The following CLMP variants were observed in gnomAD, a reference collection of about 807,000 sequenced individuals.
CLMP encodes the protein CXADR like cell adhesion molecule.
In CLMP, 27 loss-of-function variants were observed where a neutral mutation model predicts 45.2. That is an observed-to-expected ratio of 0.60 (90% CI 0.44 to 0.82). The LOEUF (loss-of-function observed/expected upper bound fraction) is 0.82, where lower values mean the gene tolerates loss of function less well. Ranked by LOEUF, CLMP falls within the 40% of genes least tolerant of loss-of-function variation. The pLI is 0.00. For missense variants in CLMP, 403 were observed against 448.4 expected (o/e 0.90, Z 0.91); for synonymous variants, 167 against 171.4 (o/e 0.97, Z 0.20).
At chr11:123,191,633 A>G (rs1861909215) in intron 1 of CLMP, 1 of 152,236 alleles carries the variant, frequency 6.6e-6, no homozygotes, top group East Asian at 1.9e-4. Context: ...TCCTATTTGC[A>G]TTAATAGACA....
At chr11:123,180,388 G>A (rs1212569609) in intron 1 of CLMP, among the ~76,000 whole-genome samples, 4 of 152,056 alleles carry the variant, frequency 2.6e-5, no homozygotes, top group South Asian at 2.1e-4. Flanking sequence ...CCTTAGAAAC[G>A]AAGCCCCAGA....
At chr11:123,178,839 C>T (rs1012638727) in intron 1 of CLMP, among the ~76,000 whole-genome samples, 4 of 152,190 alleles carry the variant, frequency 2.6e-5, no homozygotes, top group African/African-American at 9.6e-5. Context: ...CTCTGAGCCT[C>T]AGTTTACGTA....
chr11:123,083,063 T>A, intron 5 of CLMP, 22 bp downstream of exon 5: 1 of 1,611,488 alleles, frequency 6.2e-7, no homozygotes, highest in Non-Finnish European at 8.5e-7. Context: ...AAAATGAAAC[T>A]AAAACCTCTT....
intron 1 of CLMP, among the ~76,000 whole-genome samples, chr11:123,131,966 T>C (rs1860997445): frequency 6.6e-6 from 1 of 152,218 alleles, no homozygotes; most frequent in African/African-American, 2.4e-5. Flanking sequence ...AAATGAGCCA[T>C]CTTTTCACAT....
intron 1 of CLMP, chr11:123,189,009 T>A (rs1363705006): frequency 6.6e-6 from 1 of 152,228 alleles, no homozygotes; most frequent in Non-Finnish European, 1.5e-5. Context: ...AGCTCATGCA[T>A]CTGACCCCAA....
chr11:123,146,934 G>A (rs976239213), intron 1 of CLMP, among the ~76,000 whole-genome samples: 1 of 152,148 alleles, frequency 6.6e-6, no homozygotes, highest in African/African-American at 2.4e-5. Flanking sequence ...AGCGAGGCAT[G>A]TTTGATCCCT....
chr11:123,158,768 A>G (rs1197241474), intron 1 of CLMP, among the ~76,000 whole-genome samples: 1 of 152,212 alleles, frequency 6.6e-6, no homozygotes, highest in African/African-American at 2.4e-5. Flanking sequence ...TGGCTGTTGA[A>G]CTTGGGCAAG....
chr11:123,114,691 C>T (rs1016129172), intron 1 of CLMP, among the ~76,000 whole-genome samples: 2 of 151,962 alleles, frequency 1.3e-5, no homozygotes, highest in African/African-American at 4.8e-5. Flanking sequence ...TTTTTAAAAC[C>T]CCCAAATGTA....
At chr11:123,166,738 C>T (rs537159243) in intron 1 of CLMP, among the ~76,000 whole-genome samples, 2 of 152,246 alleles carry the variant, frequency 1.3e-5, no homozygotes, top group South Asian at 4.1e-4. Context: ...CTATGGTTGA[C>T]AACAGTGTAT....
intron 1 of CLMP, among the ~76,000 whole-genome samples, chr11:123,108,785 G>A (rs909947582): frequency 6.6e-6 from 1 of 152,180 alleles, no homozygotes; most frequent in Non-Finnish European, 1.5e-5. Flanking sequence ...TGGGCGCGGT[G>A]GCTCATGCCT....
intron 1 of CLMP, among the ~76,000 whole-genome samples, chr11:123,169,490 G>T (rs1219370098): frequency 6.6e-6 from 1 of 152,184 alleles, no homozygotes; most frequent in Non-Finnish European, 1.5e-5. Flanking sequence ...TCTGACTGAG[G>T]TCATCTTGTC....
chr11:123,190,177 G>A (rs1232815313), intron 1 of CLMP, among the ~76,000 whole-genome samples: 3 of 152,112 alleles, frequency 2.0e-5, no homozygotes, highest in Admixed American at 2.0e-4. Context: ...TGGGTGGGGG[G>A]ATCGGGCCAT....
In CLMP at chr11:123,073,406, C is replaced by T; in HGVS notation, c.*68G>A. The T allele has an allele frequency of 2.6e-6, 4 of 1,510,626 alleles. No individual in the cohort carries two copies. The highest frequency in any genetic ancestry group is 3.6e-6 in the Non-Finnish European group (4 of 1,122,700). 93.6% of individuals were successfully genotyped at this position (1,510,626 alleles called of 1,614,324 possible). The stretch of plus-strand genomic sequence containing the variant: ...CTGGTTGTGTGGCTGGTGACTTGAG[C>T]TCCAATGACGAGAAGAGTCCAAAGA... On this transcript the variant is annotated 3_prime_UTR_variant, in exon 7 of 7. Coordinates refer to ENST00000448775, the MANE Select transcript of CLMP (RefSeq NM_024769.5).
intron 1 of CLMP, among the ~76,000 whole-genome samples, chr11:123,161,737 G>A (rs916070798): frequency 4.6e-5 from 7 of 152,166 alleles, no homozygotes; most frequent in Admixed American, 6.5e-5. Flanking sequence ...ATGGCTGGGC[G>A]TCACCCCTCA....
intron 1 of CLMP, among the ~76,000 whole-genome samples, chr11:123,150,451 G>GAAAT (rs1168744631): frequency 2.3e-5 from 2 of 86,960 alleles, no homozygotes; most frequent in Non-Finnish European, 4.7e-5. Flanking sequence ...AAGAAAGAAA[G>GAAAT]AAAGAAAGAA....
chr11:123,166,367 C>A (rs540990958), intron 1 of CLMP, among the ~76,000 whole-genome samples: 1 of 152,330 alleles, frequency 6.6e-6, no homozygotes, highest in East Asian at 1.9e-4. Flanking sequence ...AGTCAGAATG[C>A]CAAGAGCTGC....
chr11:123,140,666 A>G (rs1861141474), intron 1 of CLMP, among the ~76,000 whole-genome samples: 1 of 152,066 alleles, frequency 6.6e-6, no homozygotes. Context: ...CCTCAGCACT[A>G]CCGACTTTTC....
intron 1 of CLMP, among the ~76,000 whole-genome samples, chr11:123,173,366 A>G (rs957200639): frequency 6.6e-6 from 1 of 152,218 alleles, no homozygotes; most frequent in Non-Finnish European, 1.5e-5. Context: ...TCAGACCACA[A>G]AGTGACTTCT....
At chr11:123,184,463 A>C in intron 1 of CLMP, among the ~76,000 whole-genome samples, 1 of 152,210 alleles carries the variant, frequency 6.6e-6, no homozygotes, top group East Asian at 1.9e-4. Flanking sequence ...TCTTCTGCTC[A>C]TGCTGCCTCA....
Sources: gnomAD v4.1 joint callset for allele counts (sites outside exome capture counted in the v4.1 genomes callset) on GRCh38, gnomAD v4.1.1 for gene constraint, MANE v1.5 for transcripts, NCBI Gene and HGNC (gene_info 2026-07-23, HGNC 2026-07-21) for gene names.